Variants in MFSD2A observed in about 807,000 individuals in gnomAD.
MFSD2A encodes the protein MFSD2 lysolipid transporter A, lysophospholipid.
Under a neutral mutation model 64.7 loss-of-function variants are expected in MFSD2A, and 27 were observed. That is an observed-to-expected ratio of 0.42 (90% CI 0.31 to 0.58). The LOEUF (loss-of-function observed/expected upper bound fraction) is 0.58. Among genes scored for constraint, MFSD2A ranks in the 20% least tolerant of loss-of-function variants. The pLI, the probability that MFSD2A is intolerant of heterozygous loss-of-function variation, is 0.18. For synonymous variants in MFSD2A, 258 were observed against 273.4 expected, an observed-to-expected ratio of 0.94 and a Z score of 0.55; for missense variants, 474 against 679.5, an observed-to-expected ratio of 0.70 and a Z score of 3.36.
chr1:39,957,176 T>A lies in MFSD2A; in HGVS notation c.183T>A (p.Cys61Ter). 6.2e-7 allele frequency: 1 copy of A among 1,611,950 alleles called. No individual in the cohort carries two copies. Among genetic ancestry groups the A allele is most frequent in the Non-Finnish European group, 8.5e-7 (1 of 1,178,906 alleles). Residue 61 changes from cysteine to a stop codon, truncating the protein, a stop_gained, in exon 2 of 14, where the codon TGT (cysteine) becomes TGA (stop). Coordinates refer to ENST00000372811, the MANE Select transcript of MFSD2A (RefSeq NM_032793.5). LOFTEE classifies it high-confidence loss of function. ...GAGCCCCCTACCAGGTGACGGGCTG[T>A]GCCCTGGGTTTCTTCCTTCAGATCT... Reference protein sequence around the residue: ...LGGAPYQVTGCALGFFLQIYL... With the variant: ...LGGAPYQVTG
At position 39,968,881 on chromosome 1, in the gene MFSD2A, C is replaced by T. The variant is rs1645222911; in HGVS notation, c.1529+136C>T. 1 of 900,228 alleles carries T rather than the reference C, an allele frequency of 1.1e-6. No homozygotes were observed. The highest frequency in any genetic ancestry group is 2.6e-5 in the East Asian group (1 of 38,222). The allele number at this position is 900,228 out of a possible 1,614,324, so 55.8% of individuals were successfully genotyped here. On this transcript the variant is annotated intron_variant, in intron 13 of 13. Transcript: ENST00000372811. The surrounding 1 kb of genome is among the most constrained non-coding windows in gnomAD (Gnocchi z 4.4). ...GACAGCTGTAACACTTAAGTACGCA[C>T]CAGGCACTGTGTTAAGTGGTCTTAC...
At position 39,969,635 on chromosome 1, in the gene MFSD2A, C is replaced by A; in HGVS notation, c.*67C>A. The stretch of plus-strand genomic sequence containing the variant: ...GAAGGGATCAGGACCTGTCTGCCGG[C>A]TTGCTGAGCAGCTGGACTGCAGGTG... On this transcript the variant is annotated 3_prime_UTR_variant, in exon 14 of 14. Coordinates refer to ENST00000372811, the MANE Select transcript of MFSD2A (RefSeq NM_032793.5). 1 of 1,465,822 alleles carries A rather than the reference C, an allele frequency of 6.8e-7. No homozygotes were observed. The highest frequency in any genetic ancestry group is 9.3e-7 in the Non-Finnish European group (1 of 1,070,264). The allele number at this position is 1,465,822 out of a possible 1,614,324, so 90.8% of individuals were successfully genotyped here. A position where few individuals can be genotyped will look rare whatever the true frequency, so the allele number is the denominator to read the frequency against.
chr1:39,968,713 G>A lies in MFSD2A; in HGVS notation c.1497G>A (p.Arg499=), dbSNP rs1211389769. ...TGTACCCCATTGATGAGGAGAGGCGGCGGCAGAATAAGAAGGCCCTGCAGG... is the reference window on the plus strand; with the variant it reads ...TGTACCCCATTGATGAGGAGAGGCGACGGCAGAATAAGAAGGCCCTGCAGG... ...FKMYPIDEER[R]RQNKKALQAL... is the part of the protein sequence containing the mutation. The change falls in exon 13 of 14, where the codon CGG becomes CGA. Residue 499 remains arginine (R), a synonymous_variant. Transcript: ENST00000372811. This position sits in a 1 kb window ranked among gnomAD's most constrained non-coding sequence, Gnocchi z 4.4. 6.2e-7 allele frequency: 1 copy of A among 1,614,114 alleles called. No individual in the cohort carries two copies. Among genetic ancestry groups the A allele is most frequent in the Non-Finnish European group, 8.5e-7 (1 of 1,180,020 alleles).
Position 39,960,106 on chromosome 1 carries a change from A to G in MFSD2A, c.353+1281A>G, listed in dbSNP as rs918148169. Among the ~76,000 whole-genome samples the G allele has an allele frequency of 1.2e-4, 18 of 152,240 alleles. No homozygotes were observed. Among genetic ancestry groups the G allele is most frequent in the African/African-American group, 4.1e-4 (17 of 41,476 alleles). On this transcript the variant is annotated intron_variant, in intron 3 of 13. Coordinates refer to ENST00000372811, the MANE Select transcript of MFSD2A (RefSeq NM_032793.5). This position sits in a 1 kb window ranked among gnomAD's most constrained non-coding sequence, Gnocchi z 4.8. ...TCTCCCTTGGTACAAAGCCTGTGCTACTCAGCTTCAGGGGCAAAGTAGGCG... is the reference window on the plus strand; with the variant it reads ...TCTCCCTTGGTACAAAGCCTGTGCTGCTCAGCTTCAGGGGCAAAGTAGGCG...
chr1:39,955,431 C>T lies in MFSD2A; in HGVS notation c.93+46C>T. 1 of 1,492,946 alleles carries T rather than the reference C, an allele frequency of 6.7e-7. No homozygotes were observed. The allele number at this position is 1,492,946 out of a possible 1,614,324, so 92.5% of individuals were successfully genotyped here. A position where few individuals can be genotyped will look rare whatever the true frequency, so the allele number is the denominator to read the frequency against. Reference sequence around the variant, plus strand: ...GTGGAGGGCGAGGGGAGGGAGGAGGCGGAAATGGGGGATCAGGGGCGTCCC... The same window carrying T: ...GTGGAGGGCGAGGGGAGGGAGGAGGTGGAAATGGGGGATCAGGGGCGTCCC... On this transcript the variant is annotated intron_variant, in intron 1 of 13. Transcript: ENST00000372811. The surrounding 1 kb of genome is among the most constrained non-coding windows in gnomAD (Gnocchi z 5.9).
Position 39,965,528 on chromosome 1 carries a change from C to A in MFSD2A, c.535C>A (p.Arg179=). 3.1e-6 allele frequency: 5 copies of A among 1,614,012 alleles called. No homozygotes were observed. The highest frequency in any genetic ancestry group is 4.2e-6 in the Non-Finnish European group (5 of 1,180,006). ...GTTCATCAGCACCGAGCAGACTGAG[C>A]GGGATTCTGCCACCGCCTATCGTGA... ...TMFISTEQTE[R]DSATAYRMTV... The change falls in exon 5 of 14, where the codon CGG becomes AGG. Residue 179 remains arginine (R), a synonymous_variant. Coordinates refer to ENST00000372811, the MANE Select transcript of MFSD2A (RefSeq NM_032793.5). The surrounding 1 kb of genome is among the most constrained non-coding windows in gnomAD (Gnocchi z 5.5).
chr1:39,963,042 C>T lies in MFSD2A; in HGVS notation c.354-2169C>T, dbSNP rs1645079276. 1.4e-5 allele frequency: 20 copies of T among 1,443,060 alleles called. No homozygotes were observed. Among genetic ancestry groups the T allele is most frequent in the East Asian group, 7.1e-5 (3 of 42,336 alleles). 89.4% of individuals were successfully genotyped at this position (1,443,060 alleles called of 1,614,324 possible). ...GGCCAAGCTCTCCATTGTCCCCGTG[C>T]GCAGAGGCTACTGGGGGAACAAGAT... On this transcript the variant is annotated intron_variant, in intron 3 of 13. Coordinates refer to ENST00000372811, the MANE Select transcript of MFSD2A (RefSeq NM_032793.5). This position sits in a 1 kb window ranked among gnomAD's most constrained non-coding sequence, Gnocchi z 4.2.
At chr1:39,962,169 C>T (rs1315315473) in intron 3 of MFSD2A, among the ~76,000 whole-genome samples, 2 of 152,248 alleles carry the variant, frequency 1.3e-5, no homozygotes, top group African/African-American at 4.8e-5. Context: ...AATTCTATCT[C>T]CCCGTTCTCT....
chr1:39,967,817 T>A lies in MFSD2A; in HGVS notation c.1109T>A (p.Phe370Tyr). 5.6e-6 allele frequency: 9 copies of A among 1,613,798 alleles called. No individual in the cohort carries two copies. Among genetic ancestry groups the A allele is most frequent in the Non-Finnish European group, 6.8e-6 (8 of 1,179,754 alleles). ...VYVGISSAVP[F>Y]LILVALMESN... ...CCCCTTCCCTAGTCAGCAGTGCCAT[T>A]TCTCATCTTGGTGGCCCTCATGGAG... The change falls in exon 11 of 14, where the codon TTT becomes TAT. Residue 370 changes from phenylalanine to tyrosine, a missense_variant. By Grantham distance (22) the Phe-to-Tyr change is conservative. Coordinates refer to ENST00000372811, the MANE Select transcript of MFSD2A (RefSeq NM_032793.5).
rs1645074167 is a variant in MFSD2A, at chr1:39,962,822, G to T, written c.354-2389G>T. 5 of 1,365,764 alleles carry T rather than the reference G, an allele frequency of 3.7e-6. No individual in the cohort carries two copies. The South Asian group carries it at 6.0e-5, about 16-fold the overall frequency. The allele number at this position is 1,365,764 out of a possible 1,614,324, so 84.6% of individuals were successfully genotyped here. A position where few individuals can be genotyped will look rare whatever the true frequency, so the allele number is the denominator to read the frequency against. On this transcript the variant is annotated intron_variant, in intron 3 of 13. Transcript: ENST00000372811. ...TCTCTCTGCCCATTAAGGGATCTGA[G>T]ATCATTGACTTTTTCCTGGGGGCCT...
At chr1:39,957,710 G>C (rs1411981125) in intron 2 of MFSD2A, 2 of 154,542 alleles carry the variant, frequency 1.3e-5, no homozygotes, top group African/African-American at 4.8e-5. Context: ...GACTGGGAGG[G>C]GTACTTAGGG....
In MFSD2A at chr1:39,968,586, C is replaced by G. The variant is rs750284586; in HGVS notation, c.1370C>G (p.Thr457Ser). 1.9e-6 allele frequency: 3 copies of G among 1,614,150 alleles called. No homozygotes were observed. The South Asian group carries it at 3.3e-5, about 18-fold the overall frequency. Reference sequence around the variant, plus strand: ...TCCCATAGCTTTGCAGGGTACCAGACCCGTGGCTGCTCGCAGCCGGAACGT... The same window carrying G: ...TCCCATAGCTTTGCAGGGTACCAGAGCCGTGGCTGCTCGCAGCCGGAACGT... ...TLSLDFAGYQ[T>S]RGCSQPERVK... Residue 457 changes from threonine (T) to serine (S), a missense_variant, in exon 13 of 14, where the codon ACC (threonine) becomes AGC (serine). Physicochemically the swap from Thr to Ser is moderately conservative, Grantham distance 58 (BLOSUM62 1). Coordinates refer to ENST00000372811, the MANE Select transcript of MFSD2A (RefSeq NM_032793.5). This position sits in a 1 kb window ranked among gnomAD's most constrained non-coding sequence, Gnocchi z 4.4.
chr1:39,965,574 C>A lies in MFSD2A; in HGVS notation c.556+25C>A. On this transcript the variant is annotated intron_variant, in intron 5 of 13. Coordinates refer to ENST00000372811, the MANE Select transcript of MFSD2A (RefSeq NM_032793.5). The surrounding 1 kb of genome is among the most constrained non-coding windows in gnomAD (Gnocchi z 5.5). ...CGTGAGTCTCCCCAGCCCACCTGAC[C>A]CCACCCTCCAGGGACCCTCCAGCCA... 6.2e-7 allele frequency: 1 copy of A among 1,611,158 alleles called. No homozygotes were observed. The highest frequency in any genetic ancestry group is 8.5e-7 in the Non-Finnish European group (1 of 1,177,356).
intron 1 of MFSD2A, among the ~76,000 whole-genome samples, chr1:39,956,706 G>A (rs923730913): frequency 1.3e-5 from 2 of 151,776 alleles, no homozygotes; most frequent in African/African-American, 2.4e-5. Context: ...GTGGGATCTC[G>A]GAGATCGAGA....
Position 39,964,973 on chromosome 1 carries a change from AC to A in MFSD2A, c.354-236del. On this transcript the variant is annotated intron_variant, in intron 3 of 13. Transcript: ENST00000372811. This position sits in a 1 kb window ranked among gnomAD's most constrained non-coding sequence, Gnocchi z 4.1. ...GCCTCTGGACTAGACTCAGGCTCTG[AC>A]CTCACACTCCATGCCTAGGATTTCA... The A allele has an allele frequency of 1.7e-6, 1 of 576,750 alleles. No individual in the cohort carries two copies. Among genetic ancestry groups the A allele is most frequent in the South Asian group, 2.1e-5 (1 of 48,246 alleles). 35.7% of individuals were successfully genotyped at this position (576,750 alleles called of 1,614,324 possible).
Position 39,957,067 on chromosome 1 carries a change from T to C in MFSD2A, c.94-20T>C, listed in dbSNP as rs768183599. The C allele has an allele frequency of 2.5e-6, 4 of 1,611,356 alleles. No homozygotes were observed. In the Admixed American group the frequency reaches 6.7e-5, roughly 27 times the overall value. ...GGAGGCCAGAACCTTGGGCCTTTCA[T>C]CTTTTCCTCCTCTTCCCAGAAAGAA... is the stretch of plus-strand genomic sequence containing the variant. On this transcript the variant is annotated intron_variant, in intron 1 of 13. Transcript: ENST00000372811.
At chr1:39,957,965 C>T (rs192198095) in intron 2 of MFSD2A, 1 of 152,536 alleles carries the variant, frequency 6.6e-6, no homozygotes, top group East Asian at 1.9e-4. Flanking sequence ...TTTTGAGTAA[C>T]TCCCATGGGC....
Position 39,955,401 on chromosome 1 carries a change from C to A in MFSD2A, c.93+16C>A, listed in dbSNP as rs189000715. 1.3e-3 allele frequency: 1,910 copies of A among 1,510,868 alleles called. 20 individuals carry two copies. In the East Asian group the frequency reaches 0.022, roughly 17 times the overall value. 93.6% of individuals were successfully genotyped at this position (1,510,868 alleles called of 1,614,324 possible). On this transcript the variant is annotated intron_variant, in intron 1 of 13. Transcript: ENST00000372811. This position sits in a 1 kb window ranked among gnomAD's most constrained non-coding sequence, Gnocchi z 5.9. ...CCAGGTGAAGGTGAGGGCCCGGCAC[C>A]CCGCGTGGAGGGCGAGGGGAGGGAG...
chr1:39,968,458 A>G lies in MFSD2A; in HGVS notation c.1333A>G (p.Ile445Val). 1 of 1,613,980 alleles carries G rather than the reference A, an allele frequency of 6.2e-7. No homozygotes were observed. The highest frequency in any genetic ancestry group is 8.5e-7 in the Non-Finnish European group (1 of 1,179,970). ...GTTTGCCTCTGGAGTGTCACTGGGC[A>G]TTTCTACCCTCAGTCTGGAGTGAGT... ...TKFASGVSLG[I>V]STLSLDFAGY... The change falls in exon 12 of 14, where the codon ATT becomes GTT. Residue 445 changes from isoleucine (I) to valine (V), a missense_variant. Transcript: ENST00000372811. This position sits in a 1 kb window ranked among gnomAD's most constrained non-coding sequence, Gnocchi z 4.4.
Sources: allele counts gnomAD v4.1 joint callset (sites outside exome capture counted in the v4.1 genomes callset), GRCh38; gene constraint gnomAD v4.1.1; non-coding constraint Gnocchi (gnomAD v3.1); transcripts MANE v1.5; gene names NCBI Gene and HGNC (gene_info 2026-07-23, HGNC 2026-07-21).